Variants in FAM151B observed in about 807,000 individuals in gnomAD.
FAM151B encodes family with sequence similarity 151 member B, also known as protein FAM151B.
A neutral mutation model predicts 31.2 loss-of-function variants in FAM151B; 24 were observed. That is an observed-to-expected ratio of 0.77 (90% CI 0.56 to 1.08). FAM151B has a LOEUF of 1.08. Ranked by LOEUF, FAM151B falls within the 50% of genes least tolerant of loss-of-function variation. FAM151B has a pLI of 0.00. For missense variants in FAM151B, 293 were observed against 328.6 expected (o/e 0.89, Z 0.84); for synonymous variants, 105 against 111.4 (o/e 0.94, Z 0.36).
intron 5 of FAM151B, among the ~76,000 whole-genome samples, chr5:80,536,157 T>C (rs999161437): frequency 6.6e-6 from 1 of 151,864 alleles, no homozygotes; most frequent in Non-Finnish European, 1.5e-5. Flanking sequence ...TTTAGTTTAG[T>C]TTAGTTTTGT....
chr5:80,510,015 A>G (rs1028608148), intron 2 of FAM151B, among the ~76,000 whole-genome samples: 1 of 152,186 alleles, frequency 6.6e-6, no homozygotes, highest in Non-Finnish European at 1.5e-5. Context: ...AGCCTCCACC[A>G]GGTCACAAAG....
intron 1 of FAM151B, chr5:80,499,101 G>A (rs546105849): frequency 2.4e-4 from 38 of 159,396 alleles, no homozygotes; most frequent in South Asian, 7.3e-4. Flanking sequence ...AATCTCATGC[G>A]TGGGGAATTT....
At chr5:80,490,199 C>T (rs1198520529) in intron 1 of FAM151B, among the ~76,000 whole-genome samples, 1 of 152,034 alleles carries the variant, frequency 6.6e-6, no homozygotes, top group African/African-American at 2.4e-5. Context: ...TCAGCCTGGG[C>T]AACACAGGGA....
intron 1 of FAM151B, among the ~76,000 whole-genome samples, chr5:80,492,483 A>G (rs1246930330): frequency 1.3e-5 from 2 of 152,066 alleles, no homozygotes; most frequent in African/African-American, 4.8e-5. Flanking sequence ...AAATAAATAA[A>G]TATGGTGTGT....
At chr5:80,510,490 G>C (rs1177661020) in intron 2 of FAM151B, among the ~76,000 whole-genome samples, 1 of 152,218 alleles carries the variant, frequency 6.6e-6, no homozygotes, top group Non-Finnish European at 1.5e-5. Flanking sequence ...CCTTCTGTTG[G>C]TCAAAGCAGA....
At chr5:80,535,802 A>G (rs1745472648) in intron 5 of FAM151B, among the ~76,000 whole-genome samples, 1 of 152,202 alleles carries the variant, frequency 6.6e-6, no homozygotes, top group Admixed American at 6.5e-5. Flanking sequence ...TGAAGAAACA[A>G]TGTACAGAAT....
intron 5 of FAM151B, among the ~76,000 whole-genome samples, chr5:80,538,468 T>C (rs145768835): frequency 0.28 from 32,375 of 114,944 alleles, 5,820 homozygotes; most frequent in East Asian, 0.39. Context: ...CTTTCTTTCT[T>C]TCTTTCTTTC....
Position 80,515,794 on chromosome 5 carries a change from A to G in FAM151B, c.317+2025A>G, listed in dbSNP as rs369859201. Among the ~76,000 whole-genome samples, 19 of 152,292 alleles carry G rather than the reference A, an allele frequency of 1.2e-4. No homozygotes were observed. The East Asian group carries it at 1.9e-3, about 15-fold the overall frequency. ...TCGTAACAATCCTAAGAGGTAGGTT[A>G]TTGCTGTTATTCTCATTTTCCGGAT... On this transcript the variant is annotated intron_variant, in intron 3 of 5. Transcript: ENST00000282226.
intron 1 of FAM151B, among the ~76,000 whole-genome samples, chr5:80,491,502 T>A (rs1429920489): frequency 6.6e-6 from 1 of 152,178 alleles, no homozygotes; most frequent in Non-Finnish European, 1.5e-5. Flanking sequence ...GAGTTACAGT[T>A]GTGAGCCAGC....
intron 1 of FAM151B, among the ~76,000 whole-genome samples, chr5:80,499,389 T>C (rs75749233): frequency 0.012 from 1,878 of 152,328 alleles, 34 homozygotes; most frequent in African/African-American, 0.04. Flanking sequence ...TGAATGCTAA[T>C]TCAAGAGATT....
rs1745654654 is a variant in FAM151B at position 80,538,440 on chromosome 5, CTTTCTTTCT to C, written c.672-3232_672-3224del. Among the ~76,000 whole-genome samples the C allele has an allele frequency of 3.8e-4, 23 of 59,924 alleles. 1 individual carries two copies. The highest frequency in any genetic ancestry group is 2.2e-3 in the African/African-American group (23 of 10,610). 39.3% of individuals were successfully genotyped at this position (59,924 alleles called of 152,430 possible). ...TCTTTCTTTCTTTCTTTCTTTCTTT[CTTTCTTTCT>C]CTTTCTTTCTTTCTTTCTTTCTTTC... On this transcript the variant is annotated intron_variant, in intron 5 of 5. Transcript: ENST00000282226.
intron 2 of FAM151B, among the ~76,000 whole-genome samples, chr5:80,506,411 A>G (rs1249866045): frequency 1.3e-5 from 2 of 152,196 alleles, no homozygotes; most frequent in African/African-American, 2.4e-5. Flanking sequence ...TCACAATAAC[A>G]TCACTGAGCT....
chr5:80,537,957 C>T (rs1331183931), intron 5 of FAM151B, among the ~76,000 whole-genome samples: 2 of 152,070 alleles, frequency 1.3e-5, no homozygotes, highest in African/African-American at 4.8e-5. Context: ...CTCATCTACC[C>T]AGTCTTCCTG....
intron 2 of FAM151B, among the ~76,000 whole-genome samples, chr5:80,507,750 T>A (rs1200818724): frequency 1.3e-5 from 2 of 152,166 alleles, no homozygotes. Context: ...TCAAACTACT[T>A]CAATAACCTG....
intron 5 of FAM151B, among the ~76,000 whole-genome samples, chr5:80,522,793 TA>T (rs1230632574): frequency 6.6e-6 from 1 of 152,164 alleles, no homozygotes; most frequent in Non-Finnish European, 1.5e-5. Context: ...CTTTTTTATA[TA>T]AAAGTTTTAT....
intron 3 of FAM151B, among the ~76,000 whole-genome samples, chr5:80,517,259 C>T (rs1744494591): frequency 6.6e-6 from 1 of 152,078 alleles, no homozygotes; most frequent in Non-Finnish European, 1.5e-5. Flanking sequence ...TTATAAATTA[C>T]ACTTTATCAG....
At chr5:80,523,122 G>T (rs999596787) in intron 5 of FAM151B, among the ~76,000 whole-genome samples, 7 of 152,024 alleles carry the variant, frequency 4.6e-5, no homozygotes, top group Admixed American at 4.6e-4. Flanking sequence ...AATGCATAAA[G>T]AATAAACAAG....
In FAM151B at chr5:80,541,580, T is replaced by G. The variant is rs1490292053; in HGVS notation, c.672-93T>G. On this transcript the variant is annotated intron_variant, in intron 5 of 5. Coordinates refer to ENST00000282226, the MANE Select transcript of FAM151B (RefSeq NM_205548.3). ...ATTTTTTCATCTGAGTGCATTTGAG[T>G]TAGAGATAAATGAAAGCATTTTTAG... is the stretch of plus-strand genomic sequence containing the variant. 8 of 1,159,916 alleles carry G rather than the reference T, an allele frequency of 6.9e-6. No individual in the cohort carries two copies. The African/African-American group carries it at 1.2e-4, about 18-fold the overall frequency. 71.9% of individuals were successfully genotyped at this position (1,159,916 alleles called of 1,614,324 possible).
chr5:80,500,752 TG>T, intron 1 of FAM151B: 4 of 1,119,192 alleles, frequency 3.6e-6, no homozygotes, highest in African/African-American at 1.5e-5. Flanking sequence ...ATATATAGCA[TG>T]GGGGTACCCA....
Sources: allele counts gnomAD v4.1 joint callset (sites outside exome capture counted in the v4.1 genomes callset), GRCh38; gene constraint gnomAD v4.1.1; transcripts MANE v1.5; gene names NCBI Gene and HGNC (gene_info 2026-07-23, HGNC 2026-07-21).